The following ZFP37 variants were observed in gnomAD, a reference collection of about 807,000 sequenced individuals.
The protein encoded by ZFP37 is zinc finger protein 37 homolog.
A neutral mutation model predicts 52.1 loss-of-function variants in ZFP37; 38 were observed. The ratio of observed to expected loss-of-function variants is 0.73; its 90% CI spans 0.56 to 0.96. ZFP37 has a LOEUF of 0.96. Ranked by LOEUF, ZFP37 falls within the 40% of genes least tolerant of loss-of-function variation. The pLI is 0.00. For synonymous variants in ZFP37, 253 were observed against 259.5 expected (o/e 0.98, Z 0.24); for missense variants, 695 against 741.4 (o/e 0.94, Z 0.73).
chr9:113,055,851 A>G (rs1011039153), intron 1 of ZFP37, among the ~76,000 whole-genome samples: 2 of 152,000 alleles, frequency 1.3e-5, no homozygotes, highest in Non-Finnish European at 2.9e-5. Flanking sequence ...AATTCCTACT[A>G]ATCACCTCAT....
rs72756127 is a variant in ZFP37 at position 113,046,560 on chromosome 9, T to C, written c.350-2292A>G. On this transcript the variant is annotated intron_variant, in intron 3 of 3. Transcript: ENST00000374227. ...TGATATCTGCCGGCAGGAAAAGACA[T>C]AAGATACTACAAGAAAATATCACCA... is the stretch of plus-strand genomic sequence containing the variant. 7.3e-3 allele frequency among the ~76,000 whole-genome samples: 1,111 copies of C among 152,092 alleles called. 7 individuals are homozygous for C. Among genetic ancestry groups the C allele is most frequent in the Non-Finnish European group, 0.012 (826 of 67,998 alleles).
chr9:113,051,613 C>A (rs1351242738), intron 1 of ZFP37, among the ~76,000 whole-genome samples: 1 of 152,086 alleles, frequency 6.6e-6, no homozygotes, highest in Non-Finnish European at 1.5e-5. Flanking sequence ...ACACCCATGC[C>A]TGACTGATTT....
rs759815598 is a variant in ZFP37, at chr9:113,042,915, G to A, written c.1703C>T (p.Thr568Ile). Residue 568 changes from threonine (T) to isoleucine (I), a missense_variant, in exon 4 of 4, where the codon ACT (threonine) becomes ATT (isoleucine). By Grantham distance (89) the Thr-to-Ile change is moderately conservative. This residue lies in a region of ZFP37 where 326 missense variants were observed against 400.5 expected (regional missense o/e 0.81). Coordinates refer to ENST00000374227, the MANE Select transcript of ZFP37 (RefSeq NM_003408.3). ...SHLIVHQRTH[T>I]GEKPYECNEC... ...GTTACATTCATAAGGTTTCTCCCCAGTATGAGTTCTCTGATGTACAATGAG... is the reference window on the plus strand; with the variant it reads ...GTTACATTCATAAGGTTTCTCCCCAATATGAGTTCTCTGATGTACAATGAG... The A allele has an allele frequency of 6.2e-7, 1 of 1,613,758 alleles. No homozygotes were observed. The highest frequency in any genetic ancestry group is 8.5e-7 in the Non-Finnish European group (1 of 1,179,938).
At chr9:113,051,337 C>T (rs1005250172) in intron 1 of ZFP37, among the ~76,000 whole-genome samples, 4 of 152,004 alleles carry the variant, frequency 2.6e-5, no homozygotes, top group East Asian at 1.9e-4. Flanking sequence ...TGGGGGAGGA[C>T]GGCACAGCTA....
At position 113,042,336 on chromosome 9, in the gene ZFP37, TAAAC is replaced by T. The variant is rs1828860812; in HGVS notation, c.*385_*388del. The T allele has an allele frequency of 6.0e-6, 1 of 165,776 alleles. No individual in the cohort carries two copies. Among genetic ancestry groups the T allele is most frequent in the African/African-American group, 2.4e-5 (1 of 41,688 alleles). 10.3% of individuals were successfully genotyped at this position (165,776 alleles called of 1,614,324 possible). A position where few individuals can be genotyped will look rare whatever the true frequency, so the allele number is the denominator to read the frequency against. On this transcript the variant is annotated 3_prime_UTR_variant, in exon 4 of 4. Transcript: ENST00000374227. ...GGCCACACTCATTTACATAAGGCAA[TAAAC>T]AGATATGCAAATTCAACTCTAATAT...
At chr9:113,046,177 CAGAT>C (rs1438494417) in intron 3 of ZFP37, among the ~76,000 whole-genome samples, 1 of 148,516 alleles carries the variant, frequency 6.7e-6, no homozygotes, top group Non-Finnish European at 1.5e-5. Context: ...TATATATAGA[CAGAT>C]ATATATCTAT....
Position 113,043,048 on chromosome 9 carries a change from T to TC in ZFP37, c.1569dup (p.Lys524GlufsTer4). On this transcript the variant is annotated frameshift_variant, in exon 4 of 4. Transcript: ENST00000374227. LOFTEE classifies it high-confidence loss of function. ...AGGCCTTCAATTTGTTTAAAGCCTT[T>TC]CCCACATTGATTACATTCAAAGGGA... 2 of 1,613,708 alleles carry TC rather than the reference T, an allele frequency of 1.2e-6. No homozygotes were observed. The highest frequency in any genetic ancestry group is 1.1e-5 in the South Asian group (1 of 91,074).
Position 113,044,053 on chromosome 9 carries a change from C to T in ZFP37, c.565G>A (p.Asp189Asn). Residue 189 changes from aspartate (D) to asparagine (N), a missense_variant, in exon 4 of 4, where the codon GAT becomes AAT. Transcript: ENST00000374227. Reference sequence around the variant, plus strand: ...CAGTTTCTTGAGTGATCAGGTAAATCTAAATTCTGTTTCAAAATTTTTCCA... The same window carrying T: ...CAGTTTCTTGAGTGATCAGGTAAATTTAAATTCTGTTTCAAAATTTTTCCA... Reference protein sequence around the residue: ...SCGKILKQNLDLPDHSRNCVK... With the variant: ...SCGKILKQNLNLPDHSRNCVK... The T allele has an allele frequency of 6.2e-7, 1 of 1,610,638 alleles. No individual in the cohort carries two copies. Among genetic ancestry groups the T allele is most frequent in the Middle Eastern group, 1.7e-4 (1 of 6,042 alleles).
At chr9:113,056,502 C>G (rs1052418289) in intron 1 of ZFP37, 55 bp downstream of exon 1, 3 of 1,599,142 alleles carry the variant, frequency 1.9e-6, no homozygotes, top group Non-Finnish European at 2.6e-6. Flanking sequence ...AATCACTGCC[C>G]CGCAAGTACA....
intron 3 of ZFP37, among the ~76,000 whole-genome samples, chr9:113,048,303 G>A (rs893762001): frequency 6.6e-5 from 10 of 152,060 alleles, no homozygotes; most frequent in Admixed American, 2.0e-4. Context: ...GGAGAGAAAC[G>A]GAAATAACTC....
Position 113,042,697 on chromosome 9 carries a change from T to C in ZFP37, c.*28A>G, listed in dbSNP as rs777326693. On this transcript the variant is annotated 3_prime_UTR_variant, in exon 4 of 4. Coordinates refer to ENST00000374227, the MANE Select transcript of ZFP37 (RefSeq NM_003408.3). ...TTCCAAGGTTCAACAAAACCTTAAATTTAGTTAACAAATTTCCCACATTAA... is the reference window on the plus strand; with the variant it reads ...TTCCAAGGTTCAACAAAACCTTAAACTTAGTTAACAAATTTCCCACATTAA... 1 of 1,517,330 alleles carries C rather than the reference T, an allele frequency of 6.6e-7. No homozygotes were observed. Among genetic ancestry groups the C allele is most frequent in the Non-Finnish European group, 8.8e-7 (1 of 1,135,174 alleles). The allele number at this position is 1,517,330 out of a possible 1,614,324, so 94.0% of individuals were successfully genotyped here.
rs932288186 is a variant in ZFP37 at position 113,039,741 on chromosome 9, A to T, written c.*2984T>A. On this transcript the variant is annotated 3_prime_UTR_variant, in exon 4 of 4. Coordinates refer to ENST00000374227, the MANE Select transcript of ZFP37 (RefSeq NM_003408.3). ...TCTCAGGCACTTAGATGATCATATC[A>T]CTTGAATAAATAAATGTTTCAAAAC... 2.0e-5 allele frequency: 3 copies of T among 152,164 alleles called. No individual in the cohort carries two copies. Among genetic ancestry groups the T allele is most frequent in the Admixed American group, 1.3e-4 (2 of 15,270 alleles). 9.4% of individuals were successfully genotyped at this position (152,164 alleles called of 1,614,324 possible). A position where few individuals can be genotyped will look rare whatever the true frequency, so the allele number is the denominator to read the frequency against.
At position 113,043,795 on chromosome 9, in the gene ZFP37, G is replaced by C; in HGVS notation, c.823C>G (p.Pro275Ala). 3 of 1,613,964 alleles carry C rather than the reference G, an allele frequency of 1.9e-6. No homozygotes were observed. The highest frequency in any genetic ancestry group is 2.5e-6 in the Non-Finnish European group (3 of 1,179,956). ...IQTGEKHEKS[P>A]SLSSSTKHEK... ...TGCTTAGTAGATGAGCTAAGGCTGG[G>C]TGATTTCTCATGTTTCTCTCCAGTT... Residue 275 changes from proline to alanine, a missense_variant, in exon 4 of 4, where the codon CCC becomes GCC. This residue lies in a region of ZFP37 where 369 missense variants were observed against 340.9 expected (regional missense o/e 1.08). Coordinates refer to ENST00000374227, the MANE Select transcript of ZFP37 (RefSeq NM_003408.3).
At position 113,039,299 on chromosome 9, in the gene ZFP37, A is replaced by C. The variant is rs949969499; in HGVS notation, c.*3426T>G. 58 of 150,424 alleles carry C rather than the reference A, an allele frequency of 3.9e-4. No individual in the cohort carries two copies. The highest frequency in any genetic ancestry group is 1.3e-3 in the African/African-American group (55 of 41,410). The allele number at this position is 150,424 out of a possible 1,614,324, so 9.3% of individuals were successfully genotyped here. ...GACAGATTGTTTTCTACCTATCACAAATGTAATTTTTTTTTAAATCTTGAT... is the reference window on the plus strand; with the variant it reads ...GACAGATTGTTTTCTACCTATCACACATGTAATTTTTTTTTAAATCTTGAT... On this transcript the variant is annotated 3_prime_UTR_variant, in exon 4 of 4. Transcript: ENST00000374227.
rs1387021338 is a variant in ZFP37 at position 113,056,692 on chromosome 9, G to T, written c.-4C>A. 1 of 1,611,526 alleles carries T rather than the reference G, an allele frequency of 6.2e-7. No individual in the cohort carries two copies. Among genetic ancestry groups the T allele is most frequent in the South Asian group, 1.1e-5 (1 of 91,038 alleles). ...GGACGCCGCTGGAGACCGACATGGCGGCTACCCGGAGGGCGGCCTTAGCGG... is the reference window on the plus strand; with the variant it reads ...GGACGCCGCTGGAGACCGACATGGCTGCTACCCGGAGGGCGGCCTTAGCGG... On this transcript the variant is annotated 5_prime_UTR_variant, in exon 1 of 4. Coordinates refer to ENST00000374227, the MANE Select transcript of ZFP37 (RefSeq NM_003408.3).
At chr9:113,053,612 T>A (rs553216403) in intron 1 of ZFP37, among the ~76,000 whole-genome samples, 135 of 152,338 alleles carry the variant, frequency 8.9e-4, no homozygotes, top group African/African-American at 3.1e-3. Flanking sequence ...CTCTGAAAAC[T>A]CCAACATCTA....
chr9:113,055,745 A>G (rs911316900), intron 1 of ZFP37, among the ~76,000 whole-genome samples: 5 of 151,978 alleles, frequency 3.3e-5, no homozygotes, highest in African/African-American at 1.2e-4. Context: ...ATCACTGACC[A>G]CCAAAGAACC....
chr9:113,049,788 T>C lies in ZFP37; in HGVS notation c.214+3A>G, dbSNP rs369652061. 83 of 1,613,528 alleles carry C rather than the reference T, an allele frequency of 5.1e-5. No homozygotes were observed. Among genetic ancestry groups the C allele is most frequent in the Non-Finnish European group, 6.6e-5 (78 of 1,179,774 alleles). Reference sequence around the variant, plus strand: ...TTTTGAATTACAAAGGAATTGTTCTTACCCATTGAGGCTTGGTTGCAGTAG... The same window carrying C: ...TTTTGAATTACAAAGGAATTGTTCTCACCCATTGAGGCTTGGTTGCAGTAG... On this transcript the variant is annotated splice_donor_region_variant and intron_variant, in intron 2 of 3. Transcript: ENST00000374227.
chr9:113,050,078 A>C (rs1289513925), intron 1 of ZFP37: 1 of 823,310 alleles, frequency 1.2e-6, no homozygotes, highest in Non-Finnish European at 1.8e-6. Flanking sequence ...AGAAACAAAA[A>C]CCATATTAAG....
Sources: allele counts gnomAD v4.1 joint callset (sites outside exome capture counted in the v4.1 genomes callset), GRCh38; gene constraint gnomAD v4.1.1; regional missense constraint gnomAD v4.1.1; transcripts MANE v1.5; gene names NCBI Gene and HGNC (gene_info 2026-07-23, HGNC 2026-07-21).